MRPS28: variants seen among roughly 807,000 people sequenced by gnomAD.
MRPS28 encodes small ribosomal subunit protein bS1m.
In MRPS28, 7 loss-of-function variants were observed where a neutral mutation model predicts 10.8. The ratio of observed to expected loss-of-function variants is 0.65; its 90% CI spans 0.37 to 1.22. MRPS28 has a LOEUF of 1.22. MRPS28 is among the 50% of genes most tolerant of loss of function. The pLI, the probability that MRPS28 is intolerant of heterozygous loss-of-function variation, is 0.02. For missense variants in MRPS28, 265 were observed against 232.9 expected, an observed-to-expected ratio of 1.14 and a Z score of -0.90; for synonymous variants, 121 against 93.3, an observed-to-expected ratio of 1.30 and a Z score of -1.71.
At chr8:80,006,382 T>G (rs1393995076) in intron 1 of MRPS28, among the ~76,000 whole-genome samples, 4 of 152,102 alleles carry the variant, frequency 2.6e-5, no homozygotes, top group Non-Finnish European at 5.9e-5. Context: ...GAATGACTAC[T>G]GGGTACATAA....
chr8:79,997,579 C>A (rs1230355847), intron 2 of MRPS28, among the ~76,000 whole-genome samples: 2 of 151,608 alleles, frequency 1.3e-5, no homozygotes, highest in African/African-American at 2.4e-5. Context: ...AAACAAAAAA[C>A]TCTCTCCTTT....
rs1809605803 is a variant in MRPS28, at chr8:80,029,905, C to A, written c.213+131G>T. ...GGCCGAGGGCTGAGCCACAACGCAC[C>A]GCAACTCCGGAAAACTGGGCCCCGG... is the stretch of plus-strand genomic sequence containing the variant. On this transcript the variant is annotated intron_variant, in intron 1 of 2. Transcript: ENST00000276585. 13 of 1,536,166 alleles carry A rather than the reference C, an allele frequency of 8.5e-6. 1 individual carries two copies. The Middle Eastern group carries it at 8.4e-4, about 99-fold the overall frequency.
At chr8:79,937,324 T>C (rs1487234109) in intron 2 of MRPS28, among the ~76,000 whole-genome samples, 1 of 152,180 alleles carries the variant, frequency 6.6e-6, no homozygotes, top group Admixed American at 6.5e-5. Context: ...GAAAATCACG[T>C]AAAATTTTAC....
chr8:80,008,172 A>G (rs1808917673), intron 1 of MRPS28, among the ~76,000 whole-genome samples: 1 of 152,224 alleles, frequency 6.6e-6, no homozygotes, highest in Non-Finnish European at 1.5e-5. Context: ...AGAAATGGGG[A>G]AAGGATTCCC....
At chr8:79,958,359 A>T (rs1297265675) in intron 2 of MRPS28, 2 of 698,452 alleles carry the variant, frequency 2.9e-6, no homozygotes, top group Non-Finnish European at 2.6e-6. Context: ...TGTTTTCCAA[A>T]GTCAGAGTTG....
chr8:79,956,243 GAAAT>G (rs1001866396), intron 2 of MRPS28, among the ~76,000 whole-genome samples: 20 of 151,878 alleles, frequency 1.3e-4, no homozygotes, highest in African/African-American at 4.4e-4. Context: ...AATACTATAT[GAAAT>G]AAATACTCCT....
chr8:79,956,713 T>C (rs1178100295), intron 2 of MRPS28: 1 of 152,174 alleles, frequency 6.6e-6, no homozygotes, highest in Non-Finnish European at 1.5e-5. Flanking sequence ...TAGCTTCCAC[T>C]TATAGGTGAG....
chr8:79,964,438 C>T (rs931120725), intron 2 of MRPS28, among the ~76,000 whole-genome samples: 1 of 152,062 alleles, frequency 6.6e-6, no homozygotes, highest in Non-Finnish European at 1.5e-5. Flanking sequence ...GCCAAAAAAC[C>T]TAGTTAGAGC....
In MRPS28 at chr8:79,982,009, G is replaced by A. The variant is rs188443523; in HGVS notation, c.395+20990C>T. On this transcript the variant is annotated intron_variant, in intron 2 of 2. Coordinates refer to ENST00000276585, the MANE Select transcript of MRPS28 (RefSeq NM_014018.3). Reference sequence around the variant, plus strand: ...GCCTGTAATCCCAGCACTTTGGGGGGGCCAAGGCAGGTGGATCACTTGAGG... The same window carrying A: ...GCCTGTAATCCCAGCACTTTGGGGGAGCCAAGGCAGGTGGATCACTTGAGG... 6.3e-3 allele frequency among the ~76,000 whole-genome samples: 962 copies of A among 152,270 alleles called. 8 individuals carry two copies. Among genetic ancestry groups the A allele is most frequent in the African/African-American group, 0.022 (894 of 41,526 alleles).
chr8:80,015,157 C>G (rs992054834), intron 1 of MRPS28, among the ~76,000 whole-genome samples: 1 of 152,204 alleles, frequency 6.6e-6, no homozygotes, highest in Non-Finnish European at 1.5e-5. Flanking sequence ...GGAGCTCAAC[C>G]TGGTCCTTAC....
At chr8:79,923,009 GGCTATTCA>G (rs1263604123) in intron 2 of MRPS28, among the ~76,000 whole-genome samples, 26 of 151,982 alleles carry the variant, frequency 1.7e-4, no homozygotes, top group African/African-American at 6.0e-4. Context: ...TAAACATTTA[GGCTATTCA>G]GCTTTTTTTT....
intron 2 of MRPS28, among the ~76,000 whole-genome samples, chr8:79,974,357 G>A (rs746803739): frequency 1.3e-5 from 2 of 151,892 alleles, no homozygotes; most frequent in African/African-American, 4.8e-5. Context: ...TGGCTAACAC[G>A]GTGACCCCTT....
At chr8:79,979,534 C>A (rs1807894546) in intron 2 of MRPS28, among the ~76,000 whole-genome samples, 1 of 151,872 alleles carries the variant, frequency 6.6e-6, no homozygotes, top group Admixed American at 6.6e-5. Flanking sequence ...TTATTTATTT[C>A]TTCTTGTGAG....
At chr8:79,998,340 G>T (rs1213095752) in intron 2 of MRPS28, among the ~76,000 whole-genome samples, 3 of 152,094 alleles carry the variant, frequency 2.0e-5, no homozygotes, top group Non-Finnish European at 4.4e-5. Context: ...GTCATAAGCT[G>T]ATTTAAAAGA....
intron 1 of MRPS28, among the ~76,000 whole-genome samples, chr8:80,008,853 G>A (rs557105807): frequency 1.3e-5 from 2 of 152,278 alleles, no homozygotes; most frequent in East Asian, 3.9e-4. Context: ...CAACCATTGT[G>A]GAAGACAGTG....
chr8:79,938,438 T>C (rs1014653191), intron 2 of MRPS28, among the ~76,000 whole-genome samples: 23 of 151,932 alleles, frequency 1.5e-4, no homozygotes, highest in African/African-American at 5.3e-4. Flanking sequence ...TTTTTTTTTT[T>C]TTCAAACCAT....
intron 2 of MRPS28, among the ~76,000 whole-genome samples, chr8:79,985,007 T>C (rs977348878): frequency 2.6e-5 from 4 of 152,242 alleles, no homozygotes; most frequent in African/African-American, 7.2e-5. Context: ...TATTCCAAAA[T>C]TGACCACATA....
intron 2 of MRPS28, among the ~76,000 whole-genome samples, chr8:79,936,623 A>G (rs1806610715): frequency 6.6e-6 from 1 of 152,218 alleles, no homozygotes; most frequent in African/African-American, 2.4e-5. Flanking sequence ...GGTTAAATAA[A>G]TTATGATGTC....
At chr8:79,964,937 G>A (rs2130018383) in intron 2 of MRPS28, among the ~76,000 whole-genome samples, 1 of 152,184 alleles carries the variant, frequency 6.6e-6, no homozygotes, top group East Asian at 1.9e-4. Flanking sequence ...CAAGATCACT[G>A]TTCTTGAGTC....
Sources: gnomAD v4.1 joint callset for allele counts (sites outside exome capture counted in the v4.1 genomes callset) on GRCh38, gnomAD v4.1.1 for gene constraint, MANE v1.5 for transcripts, NCBI Gene and HGNC (gene_info 2026-07-23, HGNC 2026-07-21) for gene names.